HMGN5: variants seen among roughly 807,000 people sequenced by gnomAD.
The protein encoded by HMGN5 is high mobility group nucleosome binding domain 5.
HMGN5 carries 4 observed loss-of-function variants against 9.5 expected under a neutral mutation model. That is an observed-to-expected ratio of 0.42 (90% CI 0.21 to 0.96). The LOEUF (loss-of-function observed/expected upper bound fraction) is 0.96. Ranked by LOEUF, HMGN5 falls within the 40% of genes least tolerant of loss-of-function variation. The probability of loss-of-function intolerance (pLI) is 0.30; values close to 1 mark genes in which losing one functional copy is unlikely to be tolerated. For synonymous variants in HMGN5, 55 were observed against 57.1 expected, an observed-to-expected ratio of 0.96 and a Z score of 0.16; for missense variants, 192 against 187.5, an observed-to-expected ratio of 1.02 and a Z score of -0.14.
In HMGN5 at chrX:81,114,750, C is replaced by T. The variant is rs1317931259; in HGVS notation, c.748G>A (p.Gly250Arg). 1 of 1,159,913 alleles carries T rather than the reference C, an allele frequency of 8.6e-7. No homozygotes were observed. The highest frequency in any genetic ancestry group is 2.6e-5 in the Admixed American group (1 of 38,257). Residue 250 changes from glycine to arginine, a missense_variant, in exon 7 of 7, where the codon GGA (glycine) becomes AGA (arginine). Gly to Arg is a moderately radical substitution (Grantham distance 125, BLOSUM62 -2). Coordinates refer to ENST00000358130, the MANE Select transcript of HMGN5 (RefSeq NM_030763.3). ...EDEGGNEEEA[G>R]KEKEDLKEEE... is the part of the protein sequence containing the mutation. ...TCTTTTAAATCTTCTTTCTCTTTTC[C>T]AGCTTCTTCCTCATTTCCACCTTCA...
intron 2 of HMGN5, 78 bp downstream of exon 2, chrX:81,121,457 A>C (rs2075268155): frequency 3.8e-6 from 4 of 1,043,479 alleles, no homozygotes; most frequent in South Asian, 3.8e-5. Flanking sequence ...AAAAAACCAA[A>C]CAAACAAATA....
intron 1 of HMGN5, among the ~76,000 whole-genome samples, chrX:81,138,723 T>C (rs2075318829): frequency 9.0e-6 from 1 of 111,549 alleles, no homozygotes; most frequent in Non-Finnish European, 1.9e-5. Context: ...TATGATTGTT[T>C]ACATAGAAAA....
At chrX:81,200,366 C>T (rs1305937804) in intron 1 of HMGN5, among the ~76,000 whole-genome samples, 3 of 111,975 alleles carry the variant, frequency 2.7e-5, no homozygotes, top group African/African-American at 9.8e-5. Context: ...TGAGCATATA[C>T]CCAAAGGATT....
At chrX:81,169,109 G>C (rs2075418581) in intron 1 of HMGN5, among the ~76,000 whole-genome samples, 1 of 111,694 alleles carries the variant, frequency 9.0e-6, no homozygotes, top group African/African-American at 3.3e-5. Context: ...TAAGGTAAGA[G>C]AACAAGGAAC....
intron 1 of HMGN5, among the ~76,000 whole-genome samples, chrX:81,167,567 A>G (rs1264386287): frequency 9.0e-6 from 1 of 111,689 alleles, no homozygotes; most frequent in East Asian, 2.8e-4. Flanking sequence ...TCTATCTTAT[A>G]CTTCCTTTTA....
chrX:81,147,895 G>T (rs995528747), intron 1 of HMGN5, among the ~76,000 whole-genome samples: 1 of 111,229 alleles, frequency 9.0e-6, no homozygotes, highest in African/African-American at 3.3e-5. Flanking sequence ...GCTACAAAGA[G>T]AATAAAATAC....
At chrX:81,170,842 T>A (rs1313508680) in intron 1 of HMGN5, among the ~76,000 whole-genome samples, 1 of 110,891 alleles carries the variant, frequency 9.0e-6, no homozygotes, top group Non-Finnish European at 1.9e-5. Context: ...ACTCAATCCT[T>A]CCAGCAACCC....
intron 1 of HMGN5, among the ~76,000 whole-genome samples, chrX:81,174,114 G>A: frequency 9.0e-6 from 1 of 110,640 alleles, no homozygotes; most frequent in Non-Finnish European, 1.9e-5. Context: ...CTCATTATAG[G>A]AAAATAAGAA....
intron 1 of HMGN5, among the ~76,000 whole-genome samples, chrX:81,180,562 G>C (rs1287638465): frequency 1.8e-5 from 2 of 111,889 alleles, no homozygotes; most frequent in African/African-American, 6.5e-5. Flanking sequence ...GGATGCTGGA[G>C]AGGATATGGA....
At chrX:81,189,126 T>C (rs2075486777) in intron 1 of HMGN5, among the ~76,000 whole-genome samples, 2 of 111,971 alleles carry the variant, frequency 1.8e-5, no homozygotes, top group Non-Finnish European at 3.8e-5. Context: ...TTCAAGGATA[T>C]TTTTGCTGAA....
intron 1 of HMGN5, among the ~76,000 whole-genome samples, chrX:81,122,441 T>G (rs2147539566): frequency 9.0e-6 from 1 of 111,680 alleles, no homozygotes; most frequent in Non-Finnish European, 1.9e-5. Flanking sequence ...CACGAAAGTG[T>G]TTAGGACTCA....
At chrX:81,194,310 A>T (rs1432281665) in intron 1 of HMGN5, among the ~76,000 whole-genome samples, 1 of 111,292 alleles carries the variant, frequency 9.0e-6, no homozygotes, top group African/African-American at 3.3e-5. Context: ...ATAAAGAAAA[A>T]TATTTTATAT....
chrX:81,130,816 A>G (rs753333604), intron 1 of HMGN5, among the ~76,000 whole-genome samples: 86 of 111,394 alleles, frequency 7.7e-4, no homozygotes, highest in African/African-American at 2.6e-3. Flanking sequence ...TAAGGATACA[A>G]AGATTTGACT....
chrX:81,128,985 A>G (rs2147544693), intron 1 of HMGN5, among the ~76,000 whole-genome samples: 1 of 111,836 alleles, frequency 8.9e-6, no homozygotes, highest in East Asian at 2.8e-4. Flanking sequence ...AATTTGTAGA[A>G]CTTATTTATT....
At chrX:81,199,983 C>G (rs1405999737) in intron 1 of HMGN5, among the ~76,000 whole-genome samples, 1 of 111,775 alleles carries the variant, frequency 8.9e-6, no homozygotes, top group Non-Finnish European at 1.9e-5. Flanking sequence ...ACTCATCTGA[C>G]AAAGGGCTAA....
Position 81,114,597 on chromosome X carries a change from T to A in HMGN5, c.*52A>T, listed in dbSNP as rs1227389176. 1.8e-5 allele frequency: 18 copies of A among 1,016,523 alleles called. No individual in the cohort carries two copies. The East Asian group carries it at 6.1e-4, about 34-fold the overall frequency. 83.8% of individuals were successfully genotyped at this position (1,016,523 alleles called of 1,213,427 possible). On this transcript the variant is annotated 3_prime_UTR_variant, in exon 7 of 7. Coordinates refer to ENST00000358130, the MANE Select transcript of HMGN5 (RefSeq NM_030763.3). ...GATAAAAATATTTATCTCTATTAAC[T>A]TTACAACATGAAGGTACATGTTACC...
chrX:81,142,580 T>C (rs1404800929), intron 1 of HMGN5, among the ~76,000 whole-genome samples: 1 of 111,284 alleles, frequency 9.0e-6, no homozygotes, highest in Non-Finnish European at 1.9e-5. Flanking sequence ...ATATTCAAAG[T>C]ACTGAAGGAA....
chrX:81,120,724 C>G (rs1040544071), intron 2 of HMGN5, among the ~76,000 whole-genome samples: 1 of 111,346 alleles, frequency 9.0e-6, no homozygotes, highest in Non-Finnish European at 1.9e-5. Context: ...AAAAAAACGC[C>G]GAGCGTGAAC....
rs962272923 is a variant in HMGN5, at chrX:81,175,416, T to G, written c.-124+26321A>C. On this transcript the variant is annotated intron_variant, in intron 1 of 6. Coordinates refer to ENST00000358130, the MANE Select transcript of HMGN5 (RefSeq NM_030763.3). ...AGACTAACGGCCTATGAAATATAGTTTTGGTTAACTATAGTTTTAAGTTAA... is the reference window on the plus strand; with the variant it reads ...AGACTAACGGCCTATGAAATATAGTGTTGGTTAACTATAGTTTTAAGTTAA... 5.4e-5 allele frequency among the ~76,000 whole-genome samples: 6 copies of G among 111,208 alleles called. 1 individual carries two copies. Among genetic ancestry groups the G allele is most frequent in the Non-Finnish European group, 9.4e-5 (5 of 53,039 alleles).
Sources: allele counts gnomAD v4.1 joint callset (sites outside exome capture counted in the v4.1 genomes callset), GRCh38; gene constraint gnomAD v4.1.1; transcripts MANE v1.5; gene names NCBI Gene and HGNC (gene_info 2026-07-23, HGNC 2026-07-21).